Variants in DPP10 observed in about 807,000 individuals in gnomAD.
DPP10 encodes inactive dipeptidyl peptidase 10.
In DPP10, 33 loss-of-function variants were observed where a neutral mutation model predicts 120.9. The ratio of observed to expected loss-of-function variants is 0.27; its 90% CI spans 0.21 to 0.37. DPP10 has a LOEUF of 0.37. Among genes scored for constraint, DPP10 ranks in the 10% least tolerant of loss-of-function variants. The pLI, the probability that DPP10 is intolerant of heterozygous loss-of-function variation, is 1.00. For synonymous variants in DPP10, 337 were observed against 326.1 expected (o/e 1.03, Z -0.36); for missense variants, 816 against 942.8 (o/e 0.87, Z 1.76).
intron 5 of DPP10, among the ~76,000 whole-genome samples, chr2:115,591,460 GT>G (rs1258235661): frequency 6.6e-6 from 1 of 152,140 alleles, no homozygotes; most frequent in African/African-American, 2.4e-5. Context: ...AGATCAGATG[GT>G]TGTAGATGTG....
Position 114,565,600 on chromosome 2 carries a change from A to G in DPP10, c.60+122762A>G, listed in dbSNP as rs1689134012. Among the ~76,000 whole-genome samples, 4 of 152,248 alleles carry G rather than the reference A, an allele frequency of 2.6e-5. No individual in the cohort carries two copies. In the South Asian group the frequency reaches 8.3e-4, roughly 31 times the overall value. On this transcript the variant is annotated intron_variant, in intron 1 of 25. Coordinates refer to ENST00000410059, the MANE Select transcript of DPP10 (RefSeq NM_020868.6). ...ATGCTTCCCTTGGAGGAGTGAAAAC[A>G]GACATGGAAACTGGGGTGAGGCACA...
At chr2:114,522,544 C>T (rs564986536) in intron 1 of DPP10, among the ~76,000 whole-genome samples, 25 of 152,152 alleles carry the variant, frequency 1.6e-4, no homozygotes, top group African/African-American at 5.5e-4. Context: ...ATAAATATTA[C>T]AAATGTATTA....
chr2:114,466,601 C>T (rs1679401737), intron 1 of DPP10, among the ~76,000 whole-genome samples: 1 of 152,116 alleles, frequency 6.6e-6, no homozygotes, highest in Non-Finnish European at 1.5e-5. Flanking sequence ...ATAATAGTAC[C>T]TAACTCCAAA....
At chr2:115,444,837 T>A (rs1024507151) in intron 3 of DPP10, among the ~76,000 whole-genome samples, 1 of 152,218 alleles carries the variant, frequency 6.6e-6, no homozygotes, top group African/African-American at 2.4e-5. Context: ...TTAGTTTTGC[T>A]GGTAGGCCTA....
At chr2:115,798,680 T>A (rs1471945017) in intron 19 of DPP10, among the ~76,000 whole-genome samples, 3 of 151,958 alleles carry the variant, frequency 2.0e-5, no homozygotes, top group African/African-American at 2.4e-5. Context: ...GATATAAAAC[T>A]TGGGAAGAAA....
chr2:115,784,659 G>T (rs1451497779), intron 17 of DPP10, among the ~76,000 whole-genome samples: 1 of 151,910 alleles, frequency 6.6e-6, no homozygotes, highest in African/African-American at 2.4e-5. Context: ...TCAGCCCCCC[G>T]AGTAGCTGGG....
intron 1 of DPP10, among the ~76,000 whole-genome samples, chr2:114,808,476 T>C (rs1315724904): frequency 6.6e-6 from 1 of 152,002 alleles, no homozygotes; most frequent in African/African-American, 2.4e-5. Flanking sequence ...TATACCAATT[T>C]ACACTGCCCC....
At chr2:114,455,460 G>T (rs186914427) in intron 1 of DPP10, among the ~76,000 whole-genome samples, 3 of 151,708 alleles carry the variant, frequency 2.0e-5, no homozygotes, top group East Asian at 3.9e-4. Flanking sequence ...CAGGAGAATC[G>T]CCTGAACCTG....
At chr2:114,648,515 G>T (rs1243517409) in intron 1 of DPP10, among the ~76,000 whole-genome samples, 1 of 152,082 alleles carries the variant, frequency 6.6e-6, no homozygotes, top group Non-Finnish European at 1.5e-5. Flanking sequence ...CACTAAATGT[G>T]GTTCCCTCCC....
At chr2:115,067,606 T>A (rs7574029) in intron 1 of DPP10, among the ~76,000 whole-genome samples, 1 of 142,084 alleles carries the variant, frequency 7.0e-6, no homozygotes, top group African/African-American at 2.5e-5. Flanking sequence ...GCTCACGCCT[T>A]TGATCCCAAC....
intron 1 of DPP10, among the ~76,000 whole-genome samples, chr2:115,000,635 T>C (rs1701379082): frequency 6.6e-6 from 1 of 152,212 alleles, no homozygotes; most frequent in South Asian, 2.1e-4. Flanking sequence ...TAGCTCTTCA[T>C]TTCTGTTTGT....
At chr2:115,429,330 GAGAA>G (rs1239747053) in intron 3 of DPP10, among the ~76,000 whole-genome samples, 1 of 152,046 alleles carries the variant, frequency 6.6e-6, no homozygotes, top group Non-Finnish European at 1.5e-5. Context: ...CTCCTTGTGT[GAGAA>G]AGGAGGCTCA....
At chr2:115,540,247 CA>C (rs1349660678) in intron 5 of DPP10, among the ~76,000 whole-genome samples, 1 of 151,854 alleles carries the variant, frequency 6.6e-6, no homozygotes, top group East Asian at 1.9e-4. Flanking sequence ...TGAAGTATTG[CA>C]TTATGATGCT....
At chr2:115,507,967 T>G (rs1050546404) in intron 4 of DPP10, among the ~76,000 whole-genome samples, 1 of 152,090 alleles carries the variant, frequency 6.6e-6, no homozygotes, top group Non-Finnish European at 1.5e-5. Flanking sequence ...TTAATTACCT[T>G]CAACTTGTTG....
intron 1 of DPP10, among the ~76,000 whole-genome samples, chr2:114,471,130 C>T (rs1441056377): frequency 6.6e-6 from 1 of 152,152 alleles, no homozygotes; most frequent in Non-Finnish European, 1.5e-5. Flanking sequence ...TTAGTACATA[C>T]CACATCATTA....
chr2:114,867,626 T>G (rs1690347686), intron 1 of DPP10, among the ~76,000 whole-genome samples: 1 of 152,214 alleles, frequency 6.6e-6, no homozygotes, highest in African/African-American at 2.4e-5. Flanking sequence ...TTGCTCGAAC[T>G]TTGAAAATAC....
chr2:114,701,234 T>C (rs1015315874), intron 1 of DPP10, among the ~76,000 whole-genome samples: 1 of 152,122 alleles, frequency 6.6e-6, no homozygotes, highest in Non-Finnish European at 1.5e-5. Flanking sequence ...GTGCCATGCT[T>C]AATGCTCCAC....
At chr2:114,764,720 T>C (rs1259109305) in intron 1 of DPP10, among the ~76,000 whole-genome samples, 1 of 152,160 alleles carries the variant, frequency 6.6e-6, no homozygotes, top group Admixed American at 6.5e-5. Context: ...AATAACATTT[T>C]GATGTGTTAA....
At chr2:114,997,512 G>GAAAAAAAAAAAGA (rs11458570) in intron 1 of DPP10, among the ~76,000 whole-genome samples, 1 of 148,752 alleles carries the variant, frequency 6.7e-6, no homozygotes, top group Non-Finnish European at 1.5e-5. Context: ...AAAAAAAAAA[G>GAAAAAAAAAAAGA]AAAAAAATTC....
Sources: gnomAD v4.1 joint callset for allele counts (sites outside exome capture counted in the v4.1 genomes callset) on GRCh38, gnomAD v4.1.1 for gene constraint, MANE v1.5 for transcripts, NCBI Gene and HGNC (gene_info 2026-07-23, HGNC 2026-07-21) for gene names.